Variants in IFT140 observed in about 807,000 individuals in gnomAD.
IFT140 encodes intraflagellar transport 140.
In IFT140, 133 loss-of-function variants were observed where a neutral mutation model predicts 164.6. The observed-to-expected ratio is 0.81, with a 90% CI of 0.70 to 0.93. The LOEUF is 0.93. IFT140 is among the 40% of genes least tolerant of loss of function. IFT140 has a pLI of 0.00. For missense variants in IFT140, 2,045 were observed against 1,972.3 expected (o/e 1.04, Z -0.70); for synonymous variants, 860 against 817.3 (o/e 1.05, Z -0.89).
chr16:1,558,624 A>G (rs796238030), intron 18 of IFT140, among the ~76,000 whole-genome samples: 26 of 152,288 alleles, frequency 1.7e-4, no homozygotes, highest in African/African-American at 6.3e-4. Flanking sequence ...GTTCCTGGAA[A>G]TCGGTGCTCC....
rs192452222 is a variant in IFT140 at position 1,528,294 on chromosome 16, C to T, written c.2400-1498G>A. Among the ~76,000 whole-genome samples, 461 of 150,650 alleles carry T rather than the reference C, an allele frequency of 3.1e-3. 4 individuals are homozygous for T. Among genetic ancestry groups the T allele is most frequent in the South Asian group, 0.02 (96 of 4,784 alleles). On this transcript the variant is annotated intron_variant, in intron 19 of 30. Coordinates refer to ENST00000426508, the MANE Select transcript of IFT140 (RefSeq NM_014714.4). ...GCCACACGCGCCTCCCCTACAAGCC[C>T]CACCAAAGCCACACACACACGCACG...
rs1192536789 is a variant in IFT140 at position 1,510,737 on chromosome 16, G to A, written c.*207C>T. On this transcript the variant is annotated 3_prime_UTR_variant, in exon 31 of 31. Transcript: ENST00000426508. ...TCCAAAAATCTAGTGGAGCTGCCGG[G>A]CACCCAGAGGCAGGTGGGACAGAGC... 3.3e-6 allele frequency: 2 copies of A among 598,010 alleles called. No individual in the cohort carries two copies. The highest frequency in any genetic ancestry group is 2.8e-5 in the East Asian group (1 of 35,278). 37.0% of individuals were successfully genotyped at this position (598,010 alleles called of 1,614,324 possible).
At chr16:1,603,486 CTT>C (rs537190496) in intron 3 of IFT140, among the ~76,000 whole-genome samples, 1 of 148,038 alleles carries the variant, frequency 6.8e-6, no homozygotes, top group Non-Finnish European at 1.5e-5. Flanking sequence ...TGCGTTTCCT[CTT>C]TTTTTTTTTC....
Position 1,520,136 on chromosome 16 carries a change from C to A in IFT140, c.3868G>T (p.Ala1290Ser). 1 of 1,614,078 alleles carries A rather than the reference C, an allele frequency of 6.2e-7. No homozygotes were observed. The highest frequency in any genetic ancestry group is 8.5e-7 in the Non-Finnish European group (1 of 1,179,948). Residue 1290 changes from alanine to serine, a missense_variant, in exon 28 of 31, where the codon GCC (alanine) becomes TCC (serine). Transcript: ENST00000426508. ...DLLAGFYDACAQVEIDEYQNY... is the reference protein window; with the variant it reads ...DLLAGFYDACSQVEIDEYQNY... ...ATGCCAGGGAGGGCCTGCACCTGGG[C>A]ACAAGCGTCATAAAAGCCAGCCAGG...
At chr16:1,567,231 C>T (rs2033768145) in intron 15 of IFT140, among the ~76,000 whole-genome samples, 1 of 152,190 alleles carries the variant, frequency 6.6e-6, no homozygotes. Context: ...CTGCACCCAC[C>T]GACCCTTTGA....
rs769704872 is a variant in IFT140 at position 1,592,535 on chromosome 16, C to T, written c.423G>A (p.Thr141=). The change falls in exon 5 of 31, where the codon ACG becomes ACA. Residue 141 remains threonine (T), a synonymous_variant. Transcript: ENST00000426508. ...TCCCATACTCGTGTTTCAGCAGAGG[C>T]GTCCCTTGCACTCGGCCCCTTTGGT... ...RLDQRGRVQG[T]PLLKHEYGKH... The T allele has an allele frequency of 1.5e-5, 24 of 1,614,118 alleles. No homozygotes were observed. Among genetic ancestry groups the T allele is most frequent in the East Asian group, 1.1e-4 (5 of 44,898 alleles).
rs1327975922 is a variant in IFT140, at chr16:1,588,029, G to A, written c.811-5C>T. 4 of 1,613,288 alleles carry A rather than the reference G, an allele frequency of 2.5e-6. No homozygotes were observed. Among genetic ancestry groups the A allele is most frequent in the Non-Finnish European group, 3.4e-6 (4 of 1,179,584 alleles). ...GGTTTTCCCGCTCAGCTTGACCTGTGTGAGGAAACAACCGAGCAGAGGCAC... is the reference window on the plus strand; with the variant it reads ...GGTTTTCCCGCTCAGCTTGACCTGTATGAGGAAACAACCGAGCAGAGGCAC... On this transcript the variant is annotated splice_region_variant and splice_polypyrimidine_tract_variant and intron_variant, in intron 7 of 30. Transcript: ENST00000426508.
chr16:1,571,660 C>A, intron 13 of IFT140, 126 bp from the exon 14 acceptor site: 1 of 1,013,664 alleles, frequency 9.9e-7, no homozygotes, highest in Non-Finnish European at 1.4e-6. Context: ...TCACAGATAA[C>A]CTTGTACACT....
chr16:1,523,454 G>C (rs952670373), intron 26 of IFT140, 64 bp downstream of exon 26: 81 of 1,535,014 alleles, frequency 5.3e-5, no homozygotes, highest in Admixed American at 3.8e-4. Flanking sequence ...ACAGCCTCTG[G>C]GGACAGGAGA....
intron 30 of IFT140, chr16:1,513,344 T>TA (rs1441194760): frequency 6.6e-6 from 1 of 151,830 alleles, no homozygotes; most frequent in Non-Finnish European, 1.5e-5. Flanking sequence ...AATAAATAAA[T>TA]ACAAAAATTA....
intron 30 of IFT140, among the ~76,000 whole-genome samples, chr16:1,511,734 C>T (rs903827185): frequency 6.6e-6 from 1 of 152,102 alleles, no homozygotes; most frequent in East Asian, 1.9e-4. Flanking sequence ...CAGTCTCAAA[C>T]GAGAGGCTGA....
chr16:1,546,176 G>A (rs2032155240), intron 19 of IFT140, among the ~76,000 whole-genome samples: 2 of 152,232 alleles, frequency 1.3e-5, no homozygotes, highest in Admixed American at 1.3e-4. Context: ...CCAATGGAAG[G>A]TAAAAGGTCA....
At chr16:1,597,308 G>A (rs1025187214) in intron 4 of IFT140, among the ~76,000 whole-genome samples, 8 of 152,172 alleles carry the variant, frequency 5.3e-5, no homozygotes, top group African/African-American at 1.9e-4. Context: ...GGGATTGCCC[G>A]CCTCCCTGGT....
intron 13 of IFT140, chr16:1,579,361 T>C (rs1219130306): frequency 6.6e-6 from 1 of 151,996 alleles, no homozygotes; most frequent in African/African-American, 2.4e-5. Flanking sequence ...TCAGACCTTG[T>C]GGTTCAAGGT....
chr16:1,579,792 C>T (rs1481839043), intron 13 of IFT140, among the ~76,000 whole-genome samples: 2 of 152,098 alleles, frequency 1.3e-5, no homozygotes, highest in Non-Finnish European at 1.5e-5. Context: ...TGGTGAAACC[C>T]TGTTTCTACC....
At chr16:1,541,943 C>T in intron 19 of IFT140, 1 of 1,607,628 alleles carries the variant, frequency 6.2e-7, no homozygotes, top group Non-Finnish European at 8.5e-7. Context: ...TGATGCGCGC[C>T]TGCAACCTGG....
chr16:1,516,276 A>AT (rs1465765924), intron 30 of IFT140, among the ~76,000 whole-genome samples: 1 of 151,964 alleles, frequency 6.6e-6, no homozygotes, highest in African/African-American at 2.4e-5. Context: ...AGCAACAATT[A>AT]TAACACTATA....
At chr16:1,516,177 A>AAAAAAAC (rs1567318586) in intron 30 of IFT140, among the ~76,000 whole-genome samples, 4 of 115,164 alleles carry the variant, frequency 3.5e-5, no homozygotes, top group East Asian at 5.4e-4. Flanking sequence ...AAAAAAAAAA[A>AAAAAAAC]ACACCAGAAA....
chr16:1,606,132 T>C (rs143383908), intron 3 of IFT140, among the ~76,000 whole-genome samples: 1 of 152,216 alleles, frequency 6.6e-6, no homozygotes, highest in African/African-American at 2.4e-5. Context: ...CACCTGATTT[T>C]GGAGTTCTCG....
Sources: gnomAD v4.1 joint callset for allele counts (sites outside exome capture counted in the v4.1 genomes callset) on GRCh38, gnomAD v4.1.1 for gene constraint, MANE v1.5 for transcripts, NCBI Gene and HGNC (gene_info 2026-07-23, HGNC 2026-07-21) for gene names.